The following MCTP1 variants were observed in gnomAD, a reference collection of about 807,000 sequenced individuals.
MCTP1 encodes the protein multiple C2 and transmembrane domain-containing protein 1.
MCTP1 carries 69 observed loss-of-function variants against 120.6 expected under a neutral mutation model. The ratio of observed to expected loss-of-function variants is 0.57; its 90% CI spans 0.47 to 0.70. The LOEUF (loss-of-function observed/expected upper bound fraction) is 0.70. Among genes scored for constraint, MCTP1 ranks in the 30% least tolerant of loss-of-function variants. The probability of loss-of-function intolerance (pLI) is 0.00; values close to 1 mark genes in which losing one functional copy is unlikely to be tolerated. For missense variants in MCTP1, 1,203 were observed against 1,248.8 expected (o/e 0.96, Z 0.55); for synonymous variants, 529 against 493.1 (o/e 1.07, Z -0.96).
At chr5:95,143,570 C>G (rs1234737352) in intron 1 of MCTP1, among the ~76,000 whole-genome samples, 1 of 152,106 alleles carries the variant, frequency 6.6e-6, no homozygotes, top group Non-Finnish European at 1.5e-5. Context: ...CCTTCCTCCT[C>G]TAATAGTCAC....
intron 12 of MCTP1, among the ~76,000 whole-genome samples, chr5:94,886,663 G>A (rs1259850605): frequency 6.6e-6 from 1 of 152,254 alleles, no homozygotes; most frequent in African/African-American, 2.4e-5. Flanking sequence ...CTAAATGGAC[G>A]CTAAGTTGAG....
intron 1 of MCTP1, among the ~76,000 whole-genome samples, chr5:95,141,892 A>G (rs1759961544): frequency 6.6e-6 from 1 of 152,218 alleles, no homozygotes; most frequent in Admixed American, 6.5e-5. Context: ...AGTTATTGGT[A>G]AAGACTTTAA....
At chr5:94,899,351 G>A (rs572337639) in intron 10 of MCTP1, among the ~76,000 whole-genome samples, 2 of 152,158 alleles carry the variant, frequency 1.3e-5, no homozygotes, top group Non-Finnish European at 2.9e-5. Context: ...TCCCCAAAGG[G>A]CTGCTCTTCA....
chr5:94,836,179 C>CAAAA (rs35396232), intron 17 of MCTP1, among the ~76,000 whole-genome samples: 4 of 65,976 alleles, frequency 6.1e-5, no homozygotes, highest in African/African-American at 1.9e-4. Flanking sequence ...GACTCCGTCT[C>CAAAA]AAAAAAAAAA....
chr5:94,991,087 C>T (rs1831467539), intron 2 of MCTP1, among the ~76,000 whole-genome samples: 1 of 152,178 alleles, frequency 6.6e-6, no homozygotes, highest in African/African-American at 2.4e-5. Context: ...TATAAATCAT[C>T]AGTGTTTGTA....
intron 17 of MCTP1, among the ~76,000 whole-genome samples, chr5:94,856,680 G>A (rs1794773429): frequency 6.6e-6 from 1 of 151,704 alleles, no homozygotes; most frequent in Non-Finnish European, 1.5e-5. Flanking sequence ...ATACAGGAAA[G>A]ATGGATAAAT....
At chr5:95,192,894 C>T (rs1749981262) in intron 1 of MCTP1, among the ~76,000 whole-genome samples, 1 of 152,062 alleles carries the variant, frequency 6.6e-6, no homozygotes, top group South Asian at 2.1e-4. Flanking sequence ...GAATAGATTG[C>T]TACTTGCTGA....
chr5:94,962,515 T>C (rs1824524786), intron 2 of MCTP1, among the ~76,000 whole-genome samples: 1 of 151,218 alleles, frequency 6.6e-6, no homozygotes, highest in South Asian at 2.1e-4. Flanking sequence ...TGTATGTATA[T>C]ACATGTGATG....
At chr5:95,059,423 A>G (rs1748319764) in intron 1 of MCTP1, among the ~76,000 whole-genome samples, 1 of 152,158 alleles carries the variant, frequency 6.6e-6, no homozygotes, top group African/African-American at 2.4e-5. Flanking sequence ...GTGGGGAGAG[A>G]GGAAGGAGAG....
In MCTP1 at chr5:95,006,787, T is replaced by C. The variant is rs1834848266; in HGVS notation, c.838+10580A>G. Among the ~76,000 whole-genome samples the C allele has an allele frequency of 1.3e-5, 2 of 152,192 alleles. 1 individual carries two copies. The highest frequency in any genetic ancestry group is 4.8e-5 in the African/African-American group (2 of 41,450). ...AAAAAGGATCAACCATAATGCTTAA[T>C]CTTCTGATGAACTTTAATGAAATTT... On this transcript the variant is annotated intron_variant, in intron 2 of 22. Transcript: ENST00000515393.
intron 1 of MCTP1, among the ~76,000 whole-genome samples, chr5:95,233,148 T>A (rs1445642836): frequency 6.6e-6 from 1 of 152,168 alleles, no homozygotes; most frequent in Non-Finnish European, 1.5e-5. Context: ...TCTTTTCAAG[T>A]GCACGCACAA....
At chr5:95,212,515 A>G (rs1582548738) in intron 1 of MCTP1, among the ~76,000 whole-genome samples, 2 of 152,280 alleles carry the variant, frequency 1.3e-5, no homozygotes, top group South Asian at 2.1e-4. Context: ...TCATTTTATG[A>G]GGCCAGCATC....
At chr5:95,215,247 C>A (rs1752909692) in intron 1 of MCTP1, among the ~76,000 whole-genome samples, 1 of 152,144 alleles carries the variant, frequency 6.6e-6, no homozygotes, top group African/African-American at 2.4e-5. Flanking sequence ...CCTCCCTGAT[C>A]AATTCAATTA....
rs1582269496 is a variant in MCTP1 at position 95,109,883 on chromosome 5, G to A, written c.721-92399C>T. ...ATAAATTCCCATTTCCTTTTAGAAG[G>A]GATATGCAAAACTTTTTTTTAAAGA... On this transcript the variant is annotated intron_variant, in intron 1 of 22. Coordinates refer to ENST00000515393, the MANE Select transcript of MCTP1 (RefSeq NM_024717.7). Among the ~76,000 whole-genome samples, 3 of 151,904 alleles carry A rather than the reference G, an allele frequency of 2.0e-5. No homozygotes were observed. The East Asian group carries it at 5.8e-4, about 29-fold the overall frequency.
intron 19 of MCTP1, among the ~76,000 whole-genome samples, chr5:94,756,021 T>C (rs998139500): frequency 6.6e-6 from 1 of 152,208 alleles, no homozygotes; most frequent in African/African-American, 2.4e-5. Context: ...ACAATTTTCC[T>C]GGGCACCCAT....
intron 1 of MCTP1, among the ~76,000 whole-genome samples, chr5:95,027,538 AT>A (rs1839483087): frequency 6.6e-6 from 1 of 152,214 alleles, no homozygotes; most frequent in African/African-American, 2.4e-5. Context: ...AGATGCTATA[AT>A]TAGCAGAAGT....
At chr5:94,897,617 G>A (rs1048918249) in intron 10 of MCTP1, among the ~76,000 whole-genome samples, 26 of 151,998 alleles carry the variant, frequency 1.7e-4, no homozygotes, top group Non-Finnish European at 3.4e-4. Flanking sequence ...CGCCCACCTT[G>A]GCCTCCCAAA....
intron 2 of MCTP1, among the ~76,000 whole-genome samples, chr5:95,006,858 CT>C (rs1196425575): frequency 6.6e-6 from 1 of 152,094 alleles, no homozygotes; most frequent in Non-Finnish European, 1.5e-5. Flanking sequence ...AACTGGAGCC[CT>C]TTTGAGAGTA....
At chr5:95,013,373 G>C (rs1836417063) in intron 2 of MCTP1, among the ~76,000 whole-genome samples, 1 of 152,178 alleles carries the variant, frequency 6.6e-6, no homozygotes, top group Non-Finnish European at 1.5e-5. Flanking sequence ...TTTCAATGTA[G>C]ATGAAACAGC....
Sources: gnomAD v4.1 joint callset for allele counts (sites outside exome capture counted in the v4.1 genomes callset) on GRCh38, gnomAD v4.1.1 for gene constraint, MANE v1.5 for transcripts, NCBI Gene and HGNC (gene_info 2026-07-23, HGNC 2026-07-21) for gene names.